EBF1: variants seen among roughly 807,000 people sequenced by gnomAD.
EBF1 encodes the protein transcription factor COE1.
A neutral mutation model predicts 68.4 loss-of-function variants in EBF1; 10 were observed. That is an observed-to-expected ratio of 0.15 (90% CI 0.09 to 0.25). The LOEUF is 0.25. Among genes scored for constraint, EBF1 ranks in the 10% least tolerant of loss-of-function variants. EBF1 has a pLI of 1.00. For synonymous variants in EBF1, 298 were observed against 299.8 expected (o/e 0.99, Z 0.06); for missense variants, 509 against 794.4 (o/e 0.64, Z 4.32).
chr5:158,711,448 C>T (rs1463237768), intron 14 of EBF1, among the ~76,000 whole-genome samples: 1 of 152,202 alleles, frequency 6.6e-6, no homozygotes, highest in Non-Finnish European at 1.5e-5. Flanking sequence ...AGGACAAGCT[C>T]ACTGTATGCG....
At chr5:158,829,322 T>C (rs1164147702) in intron 7 of EBF1, among the ~76,000 whole-genome samples, 2 of 151,148 alleles carry the variant, frequency 1.3e-5, no homozygotes, top group African/African-American at 4.9e-5. Context: ...ACTAGAGGCA[T>C]GCACCACCAC....
intron 10 of EBF1, among the ~76,000 whole-genome samples, chr5:158,772,078 G>A (rs193124462): frequency 7.9e-5 from 12 of 152,082 alleles, no homozygotes; most frequent in Non-Finnish European, 1.5e-4. Flanking sequence ...AGCCAAACTC[G>A]GGACTTGGGC....
At chr5:158,767,464 C>A (rs1273093308) in intron 10 of EBF1, among the ~76,000 whole-genome samples, 2 of 152,122 alleles carry the variant, frequency 1.3e-5, no homozygotes, top group Non-Finnish European at 2.9e-5. Context: ...TGCCAGGAGG[C>A]TTACTCAGTG....
intron 6 of EBF1, among the ~76,000 whole-genome samples, chr5:158,981,433 G>A (rs1757882627): frequency 6.6e-6 from 1 of 152,080 alleles, no homozygotes; most frequent in Non-Finnish European, 1.5e-5. Context: ...TGTATTAGTG[G>A]TGCCAAAACC....
intron 10 of EBF1, among the ~76,000 whole-genome samples, chr5:158,746,093 G>A (rs146685507): frequency 1.3e-5 from 2 of 152,256 alleles, no homozygotes; most frequent in African/African-American, 4.8e-5. Flanking sequence ...GGGAAGACTC[G>A]TGGTTAATAT....
At chr5:159,075,639 G>A (rs1344661064) in intron 5 of EBF1, among the ~76,000 whole-genome samples, 1 of 152,012 alleles carries the variant, frequency 6.6e-6, no homozygotes, top group African/African-American at 2.4e-5. Flanking sequence ...CTACTTTTCT[G>A]TCTCCACTCT....
chr5:159,086,447 C>G (rs907509096), intron 4 of EBF1, among the ~76,000 whole-genome samples: 9 of 152,172 alleles, frequency 5.9e-5, no homozygotes, highest in African/African-American at 2.2e-4. Context: ...CCAGTTATCA[C>G]GTCTCCTTTA....
chr5:158,878,644 C>CTT lies in EBF1; in HGVS notation c.555-38536_555-38535dup, dbSNP rs11445047. On this transcript the variant is annotated intron_variant, in intron 6 of 15. Transcript: ENST00000313708. ...TCACACATTTCTACTTCTAGCCAGC[C>CTT]TTTTTTTTTTTTTTCCTGAGACAGA... is the stretch of plus-strand genomic sequence containing the variant. Among the ~76,000 whole-genome samples the CTT allele has an allele frequency of 4.0e-3, 563 of 140,476 alleles. 3 individuals are homozygous for CTT. The highest frequency in any genetic ancestry group is 0.011 in the Middle Eastern group (3 of 280). 92.2% of individuals were successfully genotyped at this position (140,476 alleles called of 152,430 possible). A position where few individuals can be genotyped will look rare whatever the true frequency, so the allele number is the denominator to read the frequency against.
At chr5:158,866,827 GTATATGTATATATA>G (rs1795954587) in intron 6 of EBF1, among the ~76,000 whole-genome samples, 1 of 58,364 alleles carries the variant, frequency 1.7e-5, no homozygotes, top group Non-Finnish European at 3.1e-5. Flanking sequence ...GTATATATAT[GTATATGTATATATA>G]TATATATATA....
intron 10 of EBF1, among the ~76,000 whole-genome samples, chr5:158,733,783 A>T (rs1290971524): frequency 6.6e-6 from 1 of 152,230 alleles, no homozygotes; most frequent in Non-Finnish European, 1.5e-5. Flanking sequence ...ATTACAATGG[A>T]ATCGTCCAGT....
At chr5:158,812,344 T>G (rs1417758009) in intron 8 of EBF1, among the ~76,000 whole-genome samples, 1 of 152,158 alleles carries the variant, frequency 6.6e-6, no homozygotes, top group Non-Finnish European at 1.5e-5. Flanking sequence ...ATGGGCTTCT[T>G]AGGTTGACAA....
intron 8 of EBF1, among the ~76,000 whole-genome samples, chr5:158,812,646 T>C (rs1782900618): frequency 6.6e-6 from 1 of 152,194 alleles, no homozygotes; most frequent in Non-Finnish European, 1.5e-5. Flanking sequence ...TTCAACACAG[T>C]TGCTGCTCTT....
At position 158,845,060 on chromosome 5, in the gene EBF1, A is replaced by G. The variant is rs1035131139; in HGVS notation, c.555-4950T>C. Among the ~76,000 whole-genome samples the G allele has an allele frequency of 2.6e-5, 4 of 152,226 alleles. 1 individual carries two copies. Among genetic ancestry groups the G allele is most frequent in the African/African-American group, 9.6e-5 (4 of 41,452 alleles). On this transcript the variant is annotated intron_variant, in intron 6 of 15. Coordinates refer to ENST00000313708, the MANE Select transcript of EBF1 (RefSeq NM_024007.5). ...ATCTGACTCACCTACATAAGGATAT[A>G]AAATTTTTAAAAAATCATCCCTGCA... is the stretch of plus-strand genomic sequence containing the variant.
chr5:158,866,513 T>C (rs1017213623), intron 6 of EBF1, among the ~76,000 whole-genome samples: 15 of 152,064 alleles, frequency 9.9e-5, no homozygotes, highest in African/African-American at 1.9e-4. Flanking sequence ...ATGTAGCTAA[T>C]ACTGACTAAT....
intron 15 of EBF1, among the ~76,000 whole-genome samples, chr5:158,703,087 G>T (rs532752144): frequency 6.6e-6 from 1 of 152,210 alleles, no homozygotes; most frequent in East Asian, 1.9e-4. Flanking sequence ...GCCTTCTTGG[G>T]GATGCCTCTG....
chr5:158,860,361 T>C (rs1794758671), intron 6 of EBF1, among the ~76,000 whole-genome samples: 1 of 152,200 alleles, frequency 6.6e-6, no homozygotes, highest in Non-Finnish European at 1.5e-5. Context: ...TCTGTGTTCT[T>C]GTTCACGACA....
intron 6 of EBF1, among the ~76,000 whole-genome samples, chr5:158,937,100 G>A (rs1812181767): frequency 1.3e-5 from 2 of 151,956 alleles, no homozygotes; most frequent in Admixed American, 6.6e-5. Flanking sequence ...GCCCTCAATA[G>A]TACAATGAAG....
At chr5:158,778,855 T>C (rs1236207399) in intron 9 of EBF1, among the ~76,000 whole-genome samples, 2 of 152,182 alleles carry the variant, frequency 1.3e-5, no homozygotes, top group Non-Finnish European at 2.9e-5. Flanking sequence ...CCTAAATGAC[T>C]GTTGAGGTAT....
intron 6 of EBF1, among the ~76,000 whole-genome samples, chr5:159,058,779 G>A (rs777859020): frequency 1.9e-4 from 29 of 152,218 alleles, no homozygotes; most frequent in Middle Eastern, 3.4e-3. Flanking sequence ...TAATTTTCAC[G>A]TATCTTAGTG....
Sources: gnomAD v4.1 joint callset for allele counts (sites outside exome capture counted in the v4.1 genomes callset) on GRCh38, gnomAD v4.1.1 for gene constraint, MANE v1.5 for transcripts, NCBI Gene and HGNC (gene_info 2026-07-23, HGNC 2026-07-21) for gene names.